Variants in LARS1 observed in about 807,000 individuals in gnomAD.
LARS1 encodes leucine--tRNA ligase, cytoplasmic.
LARS1 carries 100 observed loss-of-function variants against 162.8 expected under a neutral mutation model. The ratio of observed to expected loss-of-function variants is 0.61; its 90% CI spans 0.52 to 0.73. The LOEUF (loss-of-function observed/expected upper bound fraction) is 0.73, where lower values mean the gene tolerates loss of function less well. Among genes scored for constraint, LARS1 ranks in the 30% least tolerant of loss-of-function variants. The pLI is 0.00. For synonymous variants in LARS1, 457 were observed against 462.8 expected, an observed-to-expected ratio of 0.99 and a Z score of 0.16; for missense variants, 1,258 against 1,408.9, an observed-to-expected ratio of 0.89 and a Z score of 1.71.
At chr5:146,137,197 C>A (rs1381675570) in intron 21 of LARS1, among the ~76,000 whole-genome samples, 2 of 152,228 alleles carry the variant, frequency 1.3e-5, no homozygotes, top group East Asian at 3.8e-4. Context: ...CGCGCCCAGT[C>A]CCCTACAACT....
chr5:146,144,574 C>T lies in LARS1; in HGVS notation c.1590-37G>A, dbSNP rs772207018. 4 of 1,612,160 alleles carry T rather than the reference C, an allele frequency of 2.5e-6. No individual in the cohort carries two copies. The African/African-American group carries it at 5.4e-5, about 22-fold the overall frequency. ...CAAATTGATATGTTTTTTTTTAAGTCAAAGGTGAGCAAATTGACTAGGGGA... is the reference window on the plus strand; with the variant it reads ...CAAATTGATATGTTTTTTTTTAAGTTAAAGGTGAGCAAATTGACTAGGGGA... On this transcript the variant is annotated intron_variant, in intron 16 of 31. Transcript: ENST00000394434.
chr5:146,131,500 T>G (rs1229642356), intron 23 of LARS1: 15 of 149,982 alleles, frequency 1.0e-4, no homozygotes, highest in Admixed American at 7.4e-4. Flanking sequence ...TTTTTTTTTT[T>G]TTTTTTTTTT....
Position 146,133,545 on chromosome 5 carries a change from C to T in LARS1, c.2213-464G>A, listed in dbSNP as rs546790205. ...TCTCAGTTTTGAAACTAGGTTCTTA[C>T]AAGTTTATCACTAATAAAACTTTAC... On this transcript the variant is annotated intron_variant, in intron 22 of 31. Coordinates refer to ENST00000394434, the MANE Select transcript of LARS1 (RefSeq NM_020117.11). 4.6e-5 allele frequency among the ~76,000 whole-genome samples: 7 copies of T among 152,228 alleles called. No individual in the cohort carries two copies. In the South Asian group the frequency reaches 1.5e-3, roughly 32 times the overall value.
intron 1 of LARS1, chr5:146,179,770 T>TA (rs752359908): frequency 1.8e-4 from 54 of 296,730 alleles, no homozygotes; most frequent in East Asian, 8.8e-4. Flanking sequence ...CCCAGATAGT[T>TA]TTTGTATTTT....
At position 146,122,569 on chromosome 5, in the gene LARS1, T is replaced by C. The variant is rs1197163277; in HGVS notation, c.3115A>G (p.Lys1039Glu). The change falls in exon 30 of 32, where the codon AAG becomes GAG. Residue 1039 changes from lysine (K) to glutamate (E), a missense_variant. By Grantham distance (56) the Lys-to-Glu change is moderately conservative. Coordinates refer to ENST00000394434, the MANE Select transcript of LARS1 (RefSeq NM_020117.11). The part of the protein sequence containing the change: ...NSLELEHIEV[K>E]FASEAEDKIR... ...TTATCTTCTGCTTCGGAGGCAAACT[T>C]GACTTCTATGTGTTCTAGCTAAACA... is the stretch of plus-strand genomic sequence containing the variant. 2 of 1,607,856 alleles carry C rather than the reference T, an allele frequency of 1.2e-6. No homozygotes were observed. Among genetic ancestry groups the C allele is most frequent in the Non-Finnish European group, 1.7e-6 (2 of 1,175,238 alleles).
At chr5:146,164,047 G>A (rs1753895189) in intron 6 of LARS1, among the ~76,000 whole-genome samples, 1 of 152,052 alleles carries the variant, frequency 6.6e-6, no homozygotes, top group Non-Finnish European at 1.5e-5. Context: ...AAAACAATTA[G>A]AATAATAACA....
intron 2 of LARS1, among the ~76,000 whole-genome samples, chr5:146,176,029 G>A (rs111930250): frequency 6.6e-6 from 1 of 152,054 alleles, no homozygotes; most frequent in South Asian, 2.1e-4. Context: ...GCGCATGCCT[G>A]TAGTCCCAGC....
intron 5 of LARS1, among the ~76,000 whole-genome samples, chr5:146,165,748 C>T (rs976662430): frequency 6.6e-6 from 1 of 151,674 alleles, no homozygotes; most frequent in South Asian, 2.1e-4. Flanking sequence ...AAAAGAATTA[C>T]ACACAAACAC....
At chr5:146,173,259 T>A (rs1302785005) in intron 2 of LARS1, among the ~76,000 whole-genome samples, 1 of 151,674 alleles carries the variant, frequency 6.6e-6, no homozygotes, top group Admixed American at 6.6e-5. Flanking sequence ...GAATCAAGAA[T>A]CGCCTGATCA....
chr5:146,138,794 G>T, intron 21 of LARS1: 1 of 190,080 alleles, frequency 5.3e-6, no homozygotes, highest in Non-Finnish European at 1.2e-5. Context: ...AGATGAAACA[G>T]AATTCTATTT....
chr5:146,149,291 C>G (rs1006272424), intron 15 of LARS1, among the ~76,000 whole-genome samples: 2 of 152,008 alleles, frequency 1.3e-5, no homozygotes, highest in Non-Finnish European at 2.9e-5. Context: ...AGAGTTATAA[C>G]AGAAACGGAG....
chr5:146,155,589 C>T (rs1753490013), intron 10 of LARS1, among the ~76,000 whole-genome samples: 1 of 152,212 alleles, frequency 6.6e-6, no homozygotes, highest in East Asian at 1.9e-4. Flanking sequence ...AGCTAAGGAA[C>T]ACACTTTTCC....
intron 5 of LARS1, among the ~76,000 whole-genome samples, chr5:146,165,674 G>C (rs1483890538): frequency 6.6e-6 from 1 of 152,156 alleles, no homozygotes; most frequent in Non-Finnish European, 1.5e-5. Flanking sequence ...ACACTCAAGG[G>C]GGAGGGAAGA....
At chr5:146,132,868 A>T in intron 23 of LARS1, 30 bp downstream of exon 23, 1 of 1,591,272 alleles carries the variant, frequency 6.3e-7, no homozygotes, top group South Asian at 1.1e-5. Flanking sequence ...GTAACTCTAA[A>T]ACACAAAATG....
At chr5:146,117,991 A>C (rs1291423165) in intron 31 of LARS1, among the ~76,000 whole-genome samples, 2 of 152,248 alleles carry the variant, frequency 1.3e-5, no homozygotes, top group Admixed American at 6.5e-5. Flanking sequence ...AATATGATCG[A>C]GCAATCCCAC....
chr5:146,179,536 G>A (rs1754740490), intron 1 of LARS1: 1 of 184,856 alleles, frequency 5.4e-6, no homozygotes, highest in Non-Finnish European at 1.2e-5. Context: ...AGGGCCTCAT[G>A]AAGCCTAGTC....
At position 146,128,696 on chromosome 5, in the gene LARS1, C is replaced by G. The variant is rs892162210; in HGVS notation, c.2856G>C (p.Leu952=). The change falls in exon 27 of 32, where the codon CTG becomes CTC. Residue 952 remains leucine, a synonymous_variant. Coordinates refer to ENST00000394434, the MANE Select transcript of LARS1 (RefSeq NM_020117.11). The stretch of plus-strand genomic sequence containing the variant: ...CCTCAAAGTGTTTACGTAGAACAGA[C>G]AGGGTGGTATGTTGCCAAGGTGGAT... The part of the protein sequence containing the change: ...KNYPPWQHTT[L]SVLRKHFEAN... 11 of 1,585,198 alleles carry G rather than the reference C, an allele frequency of 6.9e-6. No individual in the cohort carries two copies. In the Admixed American group the frequency reaches 1.2e-4, roughly 17 times the overall value.
chr5:146,122,665 G>A (rs768138468), intron 29 of LARS1, 78 bp from the exon 30 acceptor site: 4 of 702,478 alleles, frequency 5.7e-6, no homozygotes, highest in Non-Finnish European at 9.8e-6. Flanking sequence ...ATTTCACCAA[G>A]AACAAAACTA....
chr5:146,133,724 T>C (rs983423877), intron 22 of LARS1, among the ~76,000 whole-genome samples: 1 of 145,668 alleles, frequency 6.9e-6, no homozygotes. Flanking sequence ...AGGGAACTCA[T>C]TATGTAGTTA....
Sources: gnomAD v4.1 joint callset for allele counts (sites outside exome capture counted in the v4.1 genomes callset) on GRCh38, gnomAD v4.1.1 for gene constraint, MANE v1.5 for transcripts, NCBI Gene and HGNC (gene_info 2026-07-23, HGNC 2026-07-21) for gene names.